MTMR6: variants seen among roughly 807,000 people sequenced by gnomAD.
MTMR6 encodes phosphatidylinositol-3,5-bisphosphate 3-phosphatase MTMR6.
A neutral mutation model predicts 80.1 loss-of-function variants in MTMR6; 47 were observed. The observed-to-expected ratio is 0.59, with a 90% CI of 0.46 to 0.75. The LOEUF is 0.75. MTMR6 is among the 30% of genes least tolerant of loss of function. The pLI is 0.00. For synonymous variants in MTMR6, 254 were observed against 253.0 expected, an observed-to-expected ratio of 1.00 and a Z score of -0.04; for missense variants, 629 against 730.9, an observed-to-expected ratio of 0.86 and a Z score of 1.61.
At chr13:25,269,555 A>G (rs1039085726) in intron 2 of MTMR6, among the ~76,000 whole-genome samples, 1 of 152,156 alleles carries the variant, frequency 6.6e-6, no homozygotes, top group Non-Finnish European at 1.5e-5. Flanking sequence ...CAAGAGATCC[A>G]TTTATCCCAA....
Position 25,274,961 on chromosome 13 carries a change from TACACAC to T in MTMR6, c.25-780_25-775del, listed in dbSNP as rs71077456. Among the ~76,000 whole-genome samples, 858 of 104,976 alleles carry T rather than the reference TACACAC, an allele frequency of 8.2e-3. 4 individuals are homozygous for T. Among genetic ancestry groups the T allele is most frequent in the South Asian group, 0.011 (31 of 2,906 alleles). 68.9% of individuals were successfully genotyped at this position (104,976 alleles called of 152,430 possible). A position where few individuals can be genotyped will look rare whatever the true frequency, so the allele number is the denominator to read the frequency against. ...ACAGACACACACACACACACACACA[TACACAC>T]ACACACACACACACACACACACACA... is the stretch of plus-strand genomic sequence containing the variant. On this transcript the variant is annotated intron_variant, in intron 1 of 13. Coordinates refer to ENST00000381801, the MANE Select transcript of MTMR6 (RefSeq NM_004685.5).
At chr13:25,262,057 C>T (rs1593147412) in intron 5 of MTMR6, among the ~76,000 whole-genome samples, 1 of 152,152 alleles carries the variant, frequency 6.6e-6, no homozygotes, top group East Asian at 1.9e-4. Flanking sequence ...TAAGAAATAA[C>T]ACCCAGTCAA....
chr13:25,252,185 T>C (rs17082044), intron 11 of MTMR6, among the ~76,000 whole-genome samples: 10,297 of 152,310 alleles, frequency 0.068, 422 homozygotes, highest in Admixed American at 0.094. Flanking sequence ...AATAAAGTCA[T>C]GTTTCTTGAA....
chr13:25,258,545 T>C lies in MTMR6; in HGVS notation c.859+15A>G, dbSNP rs770225308. 3 of 1,571,210 alleles carry C rather than the reference T, an allele frequency of 1.9e-6. No individual in the cohort carries two copies. In the African/African-American group the frequency reaches 4.2e-5, roughly 22 times the overall value. On this transcript the variant is annotated intron_variant, in intron 7 of 13. Coordinates refer to ENST00000381801, the MANE Select transcript of MTMR6 (RefSeq NM_004685.5). ...TTTTGGACAAGGGTGTCTAAAAAAGTAAGCAATAATATACCTTCCAATAAT... is the reference window on the plus strand; with the variant it reads ...TTTTGGACAAGGGTGTCTAAAAAAGCAAGCAATAATATACCTTCCAATAAT...
chr13:25,270,692 C>G (rs1435730829), intron 2 of MTMR6, among the ~76,000 whole-genome samples: 2 of 152,148 alleles, frequency 1.3e-5, no homozygotes, highest in Admixed American at 6.5e-5. Context: ...CTAGGGAATA[C>G]AACTTCTCCA....
intron 11 of MTMR6, 134 bp downstream of exon 11, chr13:25,253,630 A>T: frequency 1.3e-6 from 1 of 789,766 alleles, no homozygotes; most frequent in Non-Finnish European, 2.0e-6. Context: ...ACTCAGCTTT[A>T]GAAATACAAA....
chr13:25,253,894 G>A lies in MTMR6; in HGVS notation c.1216C>T (p.His406Tyr), dbSNP rs1957138449. 1 of 1,614,124 alleles carries A rather than the reference G, an allele frequency of 6.2e-7. No homozygotes were observed. Among genetic ancestry groups the A allele is most frequent in the Non-Finnish European group, 8.5e-7 (1 of 1,180,006 alleles). ...GCTTGTGGAAACTGTTCGGTCAAAT[G>A]CCACACACATTCCAAGAACTGAGTA... is the stretch of plus-strand genomic sequence containing the variant. Reference protein sequence around the residue: ...VFTQFLECVWHLTEQFPQAFE... With the variant: ...VFTQFLECVWYLTEQFPQAFE... The change falls in exon 11 of 14, where the codon CAT (histidine) becomes TAT (tyrosine). Residue 406 changes from histidine to tyrosine, a missense_variant. By Grantham distance (83) the His-to-Tyr change is moderately conservative (BLOSUM62 2). Coordinates refer to ENST00000381801, the MANE Select transcript of MTMR6 (RefSeq NM_004685.5).
chr13:25,266,962 G>A (rs59839355), intron 3 of MTMR6, among the ~76,000 whole-genome samples: 1,561 of 152,232 alleles, frequency 0.01, 26 homozygotes, highest in African/African-American at 0.035. Flanking sequence ...CATAAGTAGC[G>A]ATAAGATTCT....
rs927756112 is a variant in MTMR6 at position 25,276,989 on chromosome 13, C to T, written c.25-2802G>A. ...GCTAGTGGTATAGCTTAGTCATAAA[C>T]CTATGTGATCTGATTCCCAAGCCAA... is the stretch of plus-strand genomic sequence containing the variant. On this transcript the variant is annotated intron_variant, in intron 1 of 13. Coordinates refer to ENST00000381801, the MANE Select transcript of MTMR6 (RefSeq NM_004685.5). Among the ~76,000 whole-genome samples, 5 of 152,288 alleles carry T rather than the reference C, an allele frequency of 3.3e-5. No homozygotes were observed. In the East Asian group the frequency reaches 9.6e-4, roughly 29 times the overall value.
intron 13 of MTMR6, among the ~76,000 whole-genome samples, chr13:25,250,471 T>G (rs1182145691): frequency 2.0e-5 from 3 of 152,090 alleles, no homozygotes; most frequent in African/African-American, 7.2e-5. Flanking sequence ...TACAAATCAC[T>G]AAGAAAAAGG....
At chr13:25,260,617 A>G in intron 6 of MTMR6, 2 of 1,288,194 alleles carry the variant, frequency 1.6e-6, no homozygotes, top group Non-Finnish European at 2.0e-6. Context: ...ATCATTCTGG[A>G]TTTTTGAAGA....
chr13:25,267,943 T>C lies in MTMR6; in HGVS notation c.142-2A>G, dbSNP rs1957494403. The stretch of plus-strand genomic sequence containing the variant: ...TGAGGCAATATGGTGGTGTAATATC[T>C]ACAGCATGAAAAAACATCCAGGTCA... On this transcript the variant is annotated splice_acceptor_variant, in intron 2 of 13. Coordinates refer to ENST00000381801, the MANE Select transcript of MTMR6 (RefSeq NM_004685.5). LOFTEE classifies it high-confidence loss of function. 1 of 1,585,930 alleles carries C rather than the reference T, an allele frequency of 6.3e-7. No individual in the cohort carries two copies. The highest frequency in any genetic ancestry group is 8.6e-7 in the Non-Finnish European group (1 of 1,167,322).
intron 5 of MTMR6, among the ~76,000 whole-genome samples, chr13:25,262,619 C>T (rs1957364371): frequency 6.6e-6 from 1 of 152,204 alleles, no homozygotes. Flanking sequence ...CTGCCCACCT[C>T]ACCTCCCAGC....
At chr13:25,276,609 C>T (rs1957734403) in intron 1 of MTMR6, among the ~76,000 whole-genome samples, 1 of 152,174 alleles carries the variant, frequency 6.6e-6, no homozygotes, top group African/African-American at 2.4e-5. Context: ...CACCGCTTTT[C>T]ATTTGGATTT....
chr13:25,277,199 G>A (rs959464666), intron 1 of MTMR6, among the ~76,000 whole-genome samples: 3 of 152,180 alleles, frequency 2.0e-5, no homozygotes, highest in Non-Finnish European at 4.4e-5. Flanking sequence ...ATCCGTGAAT[G>A]ATCCTATGAC....
At chr13:25,277,565 T>C (rs900064010) in intron 1 of MTMR6, among the ~76,000 whole-genome samples, 2 of 152,244 alleles carry the variant, frequency 1.3e-5, no homozygotes, top group African/African-American at 4.8e-5. Context: ...AATAAGATTC[T>C]TCTTTATCCC....
In MTMR6 at chr13:25,267,744, T is replaced by C. The variant is rs776876550; in HGVS notation, c.304+35A>G. 7.6e-6 allele frequency: 12 copies of C among 1,577,554 alleles called. No homozygotes were observed. In the Admixed American group the frequency reaches 1.1e-4, roughly 14 times the overall value. On this transcript the variant is annotated intron_variant, in intron 3 of 13. Transcript: ENST00000381801. ...AGTATCTTAGATAACCCATCTCAAA[T>C]TGAGCATGTAAGCTTTGGTCTCTAA...
chr13:25,271,536 G>C (rs1372682901), intron 2 of MTMR6, among the ~76,000 whole-genome samples: 1 of 152,168 alleles, frequency 6.6e-6, no homozygotes, highest in African/African-American at 2.4e-5. Context: ...CTATAAAGTG[G>C]AGGTTCTAAA....
At chr13:25,252,539 C>G (rs1195458102) in intron 11 of MTMR6, among the ~76,000 whole-genome samples, 1 of 152,164 alleles carries the variant, frequency 6.6e-6, no homozygotes, top group Non-Finnish European at 1.5e-5. Flanking sequence ...GGACATTTAC[C>G]AAGTAAACAT....
Sources: gnomAD v4.1 joint callset for allele counts (sites outside exome capture counted in the v4.1 genomes callset) on GRCh38, gnomAD v4.1.1 for gene constraint, MANE v1.5 for transcripts, NCBI Gene and HGNC (gene_info 2026-07-23, HGNC 2026-07-21) for gene names.